PCID2: variants seen among roughly 807,000 people sequenced by gnomAD.
PCID2 encodes the protein PCI domain containing 2.
In PCID2, 41 loss-of-function variants were observed where a neutral mutation model predicts 61.3. That is an observed-to-expected ratio of 0.67 (90% CI 0.52 to 0.87). The LOEUF (loss-of-function observed/expected upper bound fraction) is 0.87, where lower values mean the gene tolerates loss of function less well. Among genes scored for constraint, PCID2 ranks in the 40% least tolerant of loss-of-function variants. PCID2 has a pLI of 0.00. For synonymous variants in PCID2, 187 were observed against 177.8 expected (o/e 1.05, Z -0.41); for missense variants, 392 against 493.4 (o/e 0.79, Z 1.95).
chr13:113,168,547 T>C, the PCID2 span, among the ~76,000 whole-genome samples: 1 of 152,264 alleles, frequency 6.6e-6, no homozygotes, highest in African/African-American at 2.4e-5. Flanking sequence ...TCACATGTCC[T>C]TACCTGTGGC....
In PCID2 at chr13:113,184,908, G is replaced by C. The variant is rs544774295; in HGVS notation, c.544-421C>G. 2.0e-5 allele frequency among the ~76,000 whole-genome samples: 3 copies of C among 151,564 alleles called. No homozygotes were observed. The East Asian group carries it at 5.8e-4, about 29-fold the overall frequency. ...GGGGCGCAGCCCTGCAGGAGCCCGT[G>C]CTTGTGGAGGCTCTGGGAAGCCGTT... On this transcript the variant is annotated intron_variant, in intron 8 of 13. Transcript: ENST00000337344.
Position 113,179,982 on chromosome 13 carries a change from G to A in PCID2, c.921C>T (p.Arg307=). Residue 307 remains arginine, a synonymous_variant, in exon 12 of 14, where the codon CGC becomes CGT. Transcript: ENST00000337344. The surrounding 1 kb of genome is among the most constrained non-coding windows in gnomAD (Gnocchi z 4.3). The stretch of plus-strand genomic sequence containing the variant: ...TCTCCAGGATGAGGAAGATTCCGCA[G>A]CGAATGAAGAAGGCCTCGTGCTTCG... ...ALAKHEAFFI[R]CGIFLILEKL... 6.2e-7 allele frequency: 1 copy of A among 1,614,120 alleles called. No homozygotes were observed. Among genetic ancestry groups the A allele is most frequent in the Non-Finnish European group, 8.5e-7 (1 of 1,179,998 alleles).
chr13:113,193,290 C>G (rs781211759), intron 6 of PCID2, among the ~76,000 whole-genome samples: 1 of 151,822 alleles, frequency 6.6e-6, no homozygotes, highest in Admixed American at 6.6e-5. Flanking sequence ...AAAAAAAAAA[C>G]TGCCTCTTGG....
chr13:113,165,123 A>G, the PCID2 span: 183 of 1,610,482 alleles, frequency 1.1e-4, 1 homozygote, highest in Non-Finnish European at 2.0e-5. Context: ...CGTGGCAGGT[A>G]ACAGAGCGCT....
At position 113,178,005 on chromosome 13, in the gene PCID2, C is replaced by G. The variant is rs903483709; in HGVS notation, c.*193G>C. On this transcript the variant is annotated 3_prime_UTR_variant, in exon 14 of 14. Transcript: ENST00000337344. ...TGAAAAAGGAATTCCAGGTTTTCAT[C>G]AGGCTGAAATTAGTTACAAATGAAG... 4.4e-6 allele frequency: 2 copies of G among 455,274 alleles called. No homozygotes were observed. The highest frequency in any genetic ancestry group is 7.9e-6 in the Non-Finnish European group (2 of 252,150). 28.2% of individuals were successfully genotyped at this position (455,274 alleles called of 1,614,324 possible). A position where few individuals can be genotyped will look rare whatever the true frequency, so the allele number is the denominator to read the frequency against.
At chr13:113,176,390 G>A (rs565715538), downstream of PCID2, among the ~76,000 whole-genome samples, 1 of 91,726 alleles carries the variant, frequency 1.1e-5, no homozygotes, top group African/African-American at 3.7e-5. Flanking sequence ...TGTATCTGGA[G>A]GTAAGGTCTT....
intron 1 of PCID2, among the ~76,000 whole-genome samples, chr13:113,203,753 T>C (rs923706360): frequency 4.6e-5 from 7 of 152,176 alleles, no homozygotes; most frequent in Admixed American, 2.6e-4. Context: ...CCCTCAAGGA[T>C]GAGGGTGGCA....
intron 6 of PCID2, among the ~76,000 whole-genome samples, chr13:113,194,154 G>T (rs1279278792): frequency 6.6e-5 from 10 of 152,294 alleles, no homozygotes; most frequent in Non-Finnish European, 2.9e-5. Context: ...GCTAGCCCAG[G>T]GTGGAGGTCC....
At chr13:113,207,654 C>G (rs2139012462) in intron 1 of PCID2, among the ~76,000 whole-genome samples, 1 of 152,308 alleles carries the variant, frequency 6.6e-6, no homozygotes, top group Non-Finnish European at 1.5e-5. Flanking sequence ...CTCAATTAAC[C>G]AAGCAACTGC....
chr13:113,197,438 C>A (rs1309648130), intron 3 of PCID2, among the ~76,000 whole-genome samples, 195 bp from the exon 4 acceptor site: 1 of 152,196 alleles, frequency 6.6e-6, no homozygotes, highest in African/African-American at 2.4e-5. Flanking sequence ...ACTACTCTTT[C>A]AAGTCCCAGA....
chr13:113,170,300 G>C, the PCID2 span: 2 of 664,506 alleles, frequency 3.0e-6, no homozygotes, highest in African/African-American at 3.6e-5. Context: ...TGCCTTTGGC[G>C]GGGGGTGGGG....
intron 7 of PCID2, chr13:113,187,455 C>T (rs2038218122): frequency 6.6e-6 from 1 of 152,184 alleles, no homozygotes; most frequent in South Asian, 2.1e-4. Flanking sequence ...TACGAGGCTC[C>T]AGTCTCCCTG....
At chr13:113,203,099 C>T (rs1248082100) in intron 1 of PCID2, among the ~76,000 whole-genome samples, 2 of 152,190 alleles carry the variant, frequency 1.3e-5, no homozygotes, top group South Asian at 4.1e-4. Flanking sequence ...GCGGTGTCGC[C>T]GGGACCACAG....
the PCID2 span, chr13:113,172,094 ATC>A: frequency 6.2e-7 from 1 of 1,612,742 alleles, no homozygotes; most frequent in Non-Finnish European, 8.5e-7. Flanking sequence ...GTTTAAACAG[ATC>A]ATGAACTAAC....
chr13:113,190,461 G>T (rs1259153978), intron 7 of PCID2, among the ~76,000 whole-genome samples: 1 of 152,096 alleles, frequency 6.6e-6, no homozygotes, highest in Non-Finnish European at 1.5e-5. Flanking sequence ...AAATGAAGGT[G>T]ATCAGTGCTG....
At chr13:113,205,680 A>G (rs1322039549) in intron 1 of PCID2, among the ~76,000 whole-genome samples, 1 of 152,210 alleles carries the variant, frequency 6.6e-6, no homozygotes, top group Non-Finnish European at 1.5e-5. Context: ...ACACTGACAC[A>G]TGTTCCAACA....
At chr13:113,197,748 A>G (rs2039125688) in intron 3 of PCID2, among the ~76,000 whole-genome samples, 1 of 152,272 alleles carries the variant, frequency 6.6e-6, no homozygotes, top group African/African-American at 2.4e-5. Context: ...TCTGAAAGAC[A>G]GTAATCAAAT....
At chr13:113,172,702 C>T (rs1394947573), downstream of PCID2, among the ~76,000 whole-genome samples, 1 of 152,216 alleles carries the variant, frequency 6.6e-6, no homozygotes, top group Non-Finnish European at 1.5e-5. Flanking sequence ...CGGCGTCTCA[C>T]GGGGTTGTGC....
At chr13:113,185,138 T>C (rs538463455) in intron 8 of PCID2, among the ~76,000 whole-genome samples, 1 of 152,338 alleles carries the variant, frequency 6.6e-6, no homozygotes, top group African/African-American at 2.4e-5. Flanking sequence ...CCATAGTTAA[T>C]TATGACCACA....
Sources: allele counts gnomAD v4.1 joint callset (sites outside exome capture counted in the v4.1 genomes callset), GRCh38; gene constraint gnomAD v4.1.1; non-coding constraint Gnocchi (gnomAD v3.1); transcripts MANE v1.5; gene names NCBI Gene and HGNC (gene_info 2026-07-23, HGNC 2026-07-21).